The following DCAF6 variants were observed in gnomAD, a reference collection of about 807,000 sequenced individuals.
DCAF6 encodes DDB1- and CUL4-associated factor 6.
A neutral mutation model predicts 125.1 loss-of-function variants in DCAF6; 54 were observed. The ratio of observed to expected loss-of-function variants is 0.43; its 90% confidence interval spans 0.35 to 0.54. DCAF6 has a LOEUF of 0.54. Among genes scored for constraint, DCAF6 ranks in the 20% least tolerant of loss-of-function variants. DCAF6 has a pLI of 0.01. For missense variants in DCAF6, 934 were observed against 1,161.7 expected, an observed-to-expected ratio of 0.80 and a Z score of 2.85; for synonymous variants, 371 against 390.4, an observed-to-expected ratio of 0.95 and a Z score of 0.58.
upstream of DCAF6, among the ~76,000 whole-genome samples, chr1:167,931,845 T>C (rs1208564966): frequency 1.3e-5 from 2 of 152,318 alleles, no homozygotes; most frequent in East Asian, 3.8e-4. Context: ...CATTGGTTCA[T>C]TTAGTTTATT....
intron 4 of DCAF6, among the ~76,000 whole-genome samples, chr1:167,976,942 T>G (rs1484794367): frequency 7.9e-6 from 1 of 126,482 alleles, no homozygotes; most frequent in Non-Finnish European, 1.6e-5. Flanking sequence ...TCGCTCTTGT[T>G]GCCCAGGCTG....
chr1:168,015,114 A>G (rs1030286755), intron 10 of DCAF6, among the ~76,000 whole-genome samples: 1 of 152,250 alleles, frequency 6.6e-6, no homozygotes, highest in Non-Finnish European at 1.5e-5. Context: ...ACAATGCCTC[A>G]TACATAGAAG....
At chr1:167,903,125 G>A in the DCAF6 span, among the ~76,000 whole-genome samples, 10 of 151,928 alleles carry the variant, frequency 6.6e-5, no homozygotes, top group Non-Finnish European at 1.2e-4. Context: ...GCATGGTGGC[G>A]CACGCCTGTA....
chr1:167,977,140 G>A (rs1339368508), intron 4 of DCAF6, among the ~76,000 whole-genome samples: 1 of 150,422 alleles, frequency 6.6e-6, no homozygotes, highest in African/African-American at 2.4e-5. Flanking sequence ...CCGACCTCAG[G>A]TGATCTGCCT....
chr1:167,880,124 CGT>C, the DCAF6 span: 3 of 1,612,262 alleles, frequency 1.9e-6, no homozygotes, highest in Non-Finnish European at 2.5e-6. Flanking sequence ...CCTGTGTACT[CGT>C]GTCTCACAGT....
chr1:167,965,321 T>TA (rs960264519), intron 2 of DCAF6, among the ~76,000 whole-genome samples: 1 of 152,160 alleles, frequency 6.6e-6, no homozygotes, highest in African/African-American at 2.4e-5. Flanking sequence ...AGGCTGGAGT[T>TA]ATGTATTTTC....
At chr1:167,990,395 TAATC>T (rs1433896861) in intron 5 of DCAF6, among the ~76,000 whole-genome samples, 3 of 152,096 alleles carry the variant, frequency 2.0e-5, no homozygotes, top group African/African-American at 4.8e-5. Context: ...ACTATATAAA[TAATC>T]AATAGTTATA....
chr1:167,936,586 G>A (rs1671243188), upstream of DCAF6: 4 of 317,636 alleles, frequency 1.3e-5, no homozygotes, highest in South Asian at 9.7e-5. Context: ...TGGCGGGGAG[G>A]GTATCCAGGA....
the DCAF6 span, chr1:167,870,116 C>CTATT: frequency 1.1e-6 from 1 of 904,576 alleles, no homozygotes; most frequent in African/African-American, 1.7e-5. Flanking sequence ...TGTTAGTTAT[C>CTATT]TATTTAGCAC....
intron 2 of DCAF6, among the ~76,000 whole-genome samples, chr1:167,958,069 A>C (rs1290594415): frequency 6.6e-6 from 1 of 152,088 alleles, no homozygotes; most frequent in Non-Finnish European, 1.5e-5. Flanking sequence ...ATGATTTGCA[A>C]ATATTTCCCT....
the DCAF6 span, chr1:167,904,852 G>T: frequency 1.8e-6 from 2 of 1,081,952 alleles, no homozygotes; most frequent in Non-Finnish European, 2.8e-6. Flanking sequence ...CCTCCCTCTT[G>T]TGTTCTCAGT....
chr1:167,999,039 G>C (rs1158208439), intron 7 of DCAF6, among the ~76,000 whole-genome samples: 3 of 152,068 alleles, frequency 2.0e-5, no homozygotes, highest in Non-Finnish European at 4.4e-5. Flanking sequence ...GGCAGCTATA[G>C]CCTTACAAAA....
chr1:168,016,586 C>T (rs1571952649), intron 11 of DCAF6, among the ~76,000 whole-genome samples: 1 of 152,164 alleles, frequency 6.6e-6, no homozygotes, highest in Non-Finnish European at 1.5e-5. Context: ...AATTGTCACT[C>T]TTTTTTTCTC....
At chr1:167,901,787 A>T in the DCAF6 span, 2 of 1,614,192 alleles carry the variant, frequency 1.2e-6, no homozygotes, top group South Asian at 2.2e-5. Context: ...CACCCTCCAC[A>T]GGGCTAGCAG....
chr1:168,020,459 A>G (rs1432290203), intron 11 of DCAF6, among the ~76,000 whole-genome samples: 1 of 152,218 alleles, frequency 6.6e-6, no homozygotes. Context: ...GGAAATACAC[A>G]GTAATTGACC....
chr1:167,966,916 A>G (rs1676501974), intron 3 of DCAF6, among the ~76,000 whole-genome samples, 195 bp downstream of exon 3: 1 of 152,156 alleles, frequency 6.6e-6, no homozygotes, highest in Admixed American at 6.5e-5. Flanking sequence ...ACAAGATTTT[A>G]TTCAGCCTTG....
chr1:167,940,715 T>TC (rs1672112319), intron 1 of DCAF6, among the ~76,000 whole-genome samples: 1 of 152,236 alleles, frequency 6.6e-6, no homozygotes, highest in African/African-American at 2.4e-5. Context: ...CTTATTTCAA[T>TC]ACATTGCTTG....
the DCAF6 span, among the ~76,000 whole-genome samples, chr1:167,866,551 A>G: frequency 1.6e-4 from 24 of 148,488 alleles, no homozygotes; most frequent in South Asian, 2.1e-4. Flanking sequence ...AAAAAAAAAA[A>G]GGGCCATCTA....
At chr1:168,035,139 T>C (rs1469009019) in intron 12 of DCAF6, among the ~76,000 whole-genome samples, 1 of 152,138 alleles carries the variant, frequency 6.6e-6, no homozygotes. Context: ...CCTTGGAATA[T>C]ATACTGTCAC....
Sources: gnomAD v4.1 joint callset for allele counts (sites outside exome capture counted in the v4.1 genomes callset) on GRCh38, gnomAD v4.1.1 for gene constraint, MANE v1.5 for transcripts, NCBI Gene and HGNC (gene_info 2026-07-23, HGNC 2026-07-21) for gene names.